Variants in ANK2 observed in about 807,000 individuals in gnomAD.
ANK2 encodes the protein ankyrin 2.
ANK2 carries 83 observed loss-of-function variants against 360.5 expected under a neutral mutation model. The ratio of observed to expected loss-of-function variants is 0.23; its 90% CI spans 0.19 to 0.28. ANK2 has a LOEUF of 0.28. Ranked by LOEUF, ANK2 falls within the 10% of genes least tolerant of loss-of-function variation. The pLI, the probability that ANK2 is intolerant of heterozygous loss-of-function variation, is 1.00. For synonymous variants in ANK2, 1,740 were observed against 1,759.5 expected, an observed-to-expected ratio of 0.99 and a Z score of 0.28; for missense variants, 4,201 against 4,795.7, an observed-to-expected ratio of 0.88 and a Z score of 3.66.
At chr4:113,326,037 A>G (rs1296235054) in intron 26 of ANK2, among the ~76,000 whole-genome samples, 1 of 152,214 alleles carries the variant, frequency 6.6e-6, no homozygotes, top group East Asian at 1.9e-4. Flanking sequence ...GAAAAATCAC[A>G]TTGATTCAGT....
intron 2 of ANK2, among the ~76,000 whole-genome samples, chr4:113,021,541 C>CATATATATATATATATAT (rs57817594): frequency 2.1e-5 from 2 of 95,570 alleles, no homozygotes; most frequent in African/African-American, 7.7e-5. Flanking sequence ...CACACACAAA[C>CATATATATATATATATAT]ATATATATAT....
chr4:113,381,236 A>C (rs1264105738), intron 45 of ANK2, among the ~76,000 whole-genome samples: 1 of 150,178 alleles, frequency 6.7e-6, no homozygotes, highest in Non-Finnish European at 1.5e-5. Context: ...TCCTTGTTCC[A>C]AAACACATTT....
At chr4:112,966,477 A>G (rs924332370) in intron 2 of ANK2, among the ~76,000 whole-genome samples, 1 of 151,980 alleles carries the variant, frequency 6.6e-6, no homozygotes, top group South Asian at 2.1e-4. Context: ...GTGTATACAC[A>G]TACTTTTTAA....
In ANK2 at chr4:112,921,282, C is replaced by T. The variant is rs148317900; in HGVS notation, c.21+16768C>T. ...TCAAGCAATTCTCCTGCCTCGGCCTCCCAAAGTGCTGGGATTACAGGCGTG... is the reference window on the plus strand; with the variant it reads ...TCAAGCAATTCTCCTGCCTCGGCCTTCCAAAGTGCTGGGATTACAGGCGTG... On this transcript the variant is annotated intron_variant, in intron 2 of 30. Transcript: ENST00000503271. Among the ~76,000 whole-genome samples the T allele has an allele frequency of 5.1e-3, 776 of 151,858 alleles. 4 individuals carry two copies. Among genetic ancestry groups the T allele is most frequent in the African/African-American group, 0.017 (690 of 41,438 alleles).
Position 113,184,119 on chromosome 4 carries a change from G to C in ANK2, c.186+9602G>C, listed in dbSNP as rs190458119. 2.8e-4 allele frequency among the ~76,000 whole-genome samples: 42 copies of C among 150,498 alleles called. 1 individual carries two copies. Among genetic ancestry groups the C allele is most frequent in the Non-Finnish European group, 4.4e-5 (3 of 67,496 alleles). On this transcript the variant is annotated intron_variant, in intron 2 of 45. Transcript: ENST00000357077. ...AGGGAAGCAGTGTCTTTGGATTCTA[G>C]TTAGAGCAAGAAGCTTAAAAGGGAT...
At chr4:112,721,107 A>G in the ANK2 span, among the ~76,000 whole-genome samples, 12 of 152,178 alleles carry the variant, frequency 7.9e-5, no homozygotes, top group African/African-American at 2.9e-4. Context: ...GGTTGTGTAC[A>G]TGAAAGGTAG....
At chr4:113,342,889 G>A (rs867070528) in intron 33 of ANK2, 128 bp from the exon 34 acceptor site, 1 of 1,196,452 alleles carries the variant, frequency 8.4e-7, no homozygotes, top group Non-Finnish European at 1.2e-6. Flanking sequence ...AATGTCAGTT[G>A]TCAATTTAAA....
At chr4:112,760,042 C>A in the ANK2 span, among the ~76,000 whole-genome samples, 2 of 152,116 alleles carry the variant, frequency 1.3e-5, no homozygotes, top group South Asian at 4.1e-4. Flanking sequence ...ATTATAGTTA[C>A]CCCCTACCCC....
intron 2 of ANK2, among the ~76,000 whole-genome samples, chr4:112,933,578 G>A (rs1354269640): frequency 1.3e-5 from 2 of 149,862 alleles, no homozygotes; most frequent in African/African-American, 2.5e-5. Context: ...TTGGCTCACC[G>A]CAACCTCTGC....
At chr4:112,744,301 C>T in the ANK2 span, among the ~76,000 whole-genome samples, 1 of 151,346 alleles carries the variant, frequency 6.6e-6, no homozygotes, top group Non-Finnish European at 1.5e-5. Context: ...GGGAGATTTC[C>T]ATTGTTTCCA....
chr4:113,345,432 C>A (rs763659699), intron 34 of ANK2, among the ~76,000 whole-genome samples: 28 of 152,060 alleles, frequency 1.8e-4, no homozygotes, highest in Non-Finnish European at 3.4e-4. Flanking sequence ...AAATGGTAAA[C>A]TGTATGTTAT....
At chr4:113,005,441 A>G (rs889476558) in intron 2 of ANK2, among the ~76,000 whole-genome samples, 2 of 152,194 alleles carry the variant, frequency 1.3e-5, no homozygotes, top group African/African-American at 4.8e-5. Flanking sequence ...TGCAGCATGG[A>G]CAGAACTGGA....
chr4:112,762,700 G>GAA, the ANK2 span, among the ~76,000 whole-genome samples: 1 of 152,158 alleles, frequency 6.6e-6, no homozygotes, highest in Admixed American at 6.5e-5. Context: ...GGTAGAGAGT[G>GAA]GGTTTCACCA....
intron 4 of ANK2, among the ~76,000 whole-genome samples, chr4:113,224,199 C>T (rs1471277984): frequency 1.3e-5 from 2 of 152,174 alleles, no homozygotes; most frequent in African/African-American, 4.8e-5. Context: ...AATTTGGCTC[C>T]ACTTTTTGAA....
At chr4:112,794,648 A>G in the ANK2 span, among the ~76,000 whole-genome samples, 7 of 152,128 alleles carry the variant, frequency 4.6e-5, no homozygotes, top group Non-Finnish European at 7.4e-5. Context: ...GAGCCAAGGG[A>G]GGTACTGAAT....
In ANK2 at chr4:113,356,935, G is replaced by C; in HGVS notation, c.8317G>C (p.Asp2773His). 1 of 1,614,080 alleles carries C rather than the reference G, an allele frequency of 6.2e-7. No homozygotes were observed. Among genetic ancestry groups the C allele is most frequent in the Non-Finnish European group, 8.5e-7 (1 of 1,179,974 alleles). ...AGACACTGATCAGCCAAAAATCTGT[G>C]ATGGCCATGGATGTGAGGCCATGAG... is the stretch of plus-strand genomic sequence containing the variant. ...NRDTDQPKIC[D>H]GHGCEAMSPS... The change falls in exon 38 of 46, where the codon GAT becomes CAT. Residue 2773 changes from aspartate (D) to histidine (H), a missense_variant. Transcript: ENST00000357077.
intron 2 of ANK2, among the ~76,000 whole-genome samples, chr4:112,935,471 G>A (rs2093648486): frequency 6.6e-6 from 1 of 152,012 alleles, no homozygotes; most frequent in African/African-American, 2.4e-5. Flanking sequence ...TCATCTGTCT[G>A]GTGTCTTTTC....
At chr4:113,013,785 GTTAGTC>G (rs576368282) in intron 2 of ANK2, among the ~76,000 whole-genome samples, 117 of 152,288 alleles carry the variant, frequency 7.7e-4, no homozygotes, top group Middle Eastern at 6.8e-3. Context: ...ATGGTCAGGA[GTTAGTC>G]TTAAAGTCAA....
the ANK2 span, among the ~76,000 whole-genome samples, chr4:112,732,926 A>C: frequency 6.6e-6 from 1 of 150,460 alleles, no homozygotes; most frequent in Non-Finnish European, 1.5e-5. Context: ...CTAAAAATAC[A>C]AAAAAAAAGG....
Sources: gnomAD v4.1 joint callset for allele counts (sites outside exome capture counted in the v4.1 genomes callset) on GRCh38, gnomAD v4.1.1 for gene constraint, MANE v1.5 for transcripts, NCBI Gene and HGNC (gene_info 2026-07-23, HGNC 2026-07-21) for gene names.